PUM2: variants seen among roughly 807,000 people sequenced by gnomAD.
The protein encoded by PUM2 is pumilio RNA binding family member 2, also known as pumilio homolog 2.
A neutral mutation model predicts 124.5 loss-of-function variants in PUM2; 57 were observed. The ratio of observed to expected loss-of-function variants is 0.46; its 90% CI spans 0.37 to 0.57. The LOEUF (loss-of-function observed/expected upper bound fraction) is 0.57, where lower values mean the gene tolerates loss of function less well. Ranked by LOEUF, PUM2 falls within the 20% of genes least tolerant of loss-of-function variation. The probability of loss-of-function intolerance (pLI) is 0.00; values close to 1 mark genes in which losing one functional copy is unlikely to be tolerated. For missense variants in PUM2, 1,065 were observed against 1,290.6 expected (o/e 0.83, Z 2.68); for synonymous variants, 460 against 446.1 (o/e 1.03, Z -0.39).
intron 13 of PUM2, among the ~76,000 whole-genome samples, chr2:20,263,754 G>C (rs1666866866): frequency 6.6e-6 from 1 of 152,062 alleles, no homozygotes; most frequent in South Asian, 2.1e-4. Flanking sequence ...ATAAATGTCA[G>C]AACACTGAAA....
intron 2 of PUM2, among the ~76,000 whole-genome samples, chr2:20,322,743 C>CA: frequency 6.6e-6 from 1 of 152,142 alleles, no homozygotes; most frequent in Admixed American, 6.5e-5. Context: ...TCAGAGGTTG[C>CA]AGTAAGTTGA....
intron 13 of PUM2, among the ~76,000 whole-genome samples, chr2:20,275,962 G>C (rs1252293562): frequency 6.6e-6 from 1 of 152,034 alleles, no homozygotes. Context: ...AGGGAGATTA[G>C]AGTTAATAAT....
chr2:20,256,357 T>C (rs1157472183), intron 16 of PUM2, among the ~76,000 whole-genome samples, 187 bp from the exon 17 acceptor site: 1 of 152,194 alleles, frequency 6.6e-6, no homozygotes, highest in African/African-American at 2.4e-5. Flanking sequence ...GTTTAAATTT[T>C]TTTCTCTTGT....
chr2:20,287,202 C>T (rs1241351722), intron 10 of PUM2, among the ~76,000 whole-genome samples: 5 of 152,120 alleles, frequency 3.3e-5, no homozygotes, highest in Non-Finnish European at 4.4e-5. Flanking sequence ...AGACATTTCC[C>T]ATCTACGACC....
chr2:20,264,082 TA>T, intron 13 of PUM2, among the ~76,000 whole-genome samples: 1 of 151,744 alleles, frequency 6.6e-6, no homozygotes. Context: ...CTCATGCCTG[TA>T]ATCCCAGCAC....
intron 13 of PUM2, among the ~76,000 whole-genome samples, chr2:20,272,215 A>G (rs1385470167): frequency 6.6e-6 from 1 of 151,990 alleles, no homozygotes; most frequent in African/African-American, 2.4e-5. Context: ...ATAGAAAAGC[A>G]TCCTTTGAGA....
chr2:20,291,682 T>C (rs537898922), intron 9 of PUM2, among the ~76,000 whole-genome samples: 2 of 152,302 alleles, frequency 1.3e-5, no homozygotes, highest in East Asian at 1.9e-4. Context: ...TCATCCAAGA[T>C]AGAATCCTCC....
At chr2:20,325,781 C>T (rs1683541392) in intron 2 of PUM2, among the ~76,000 whole-genome samples, 3 of 152,086 alleles carry the variant, frequency 2.0e-5, no homozygotes, top group Admixed American at 2.0e-4. Flanking sequence ...GCCGCCACGC[C>T]CGGCTAATTT....
intron 7 of PUM2, 105 bp downstream of exon 7, chr2:20,307,873 A>C: frequency 7.1e-7 from 1 of 1,414,094 alleles, no homozygotes. Context: ...TTGATCTCAG[A>C]TGTTTCAAAA....
intron 12 of PUM2, 50 bp downstream of exon 12, chr2:20,282,897 A>G: frequency 6.4e-7 from 1 of 1,552,292 alleles, no homozygotes; most frequent in Non-Finnish European, 8.8e-7. Context: ...AAACACACTC[A>G]TATACCTCTT....
At position 20,348,591 on chromosome 2, in the gene PUM2, A is replaced by G. The variant is rs138762478; in HGVS notation, c.-19+2006T>C. 7.9e-3 allele frequency among the ~76,000 whole-genome samples: 1,201 copies of G among 152,332 alleles called. 11 individuals are homozygous for G. Among genetic ancestry groups the G allele is most frequent in the African/African-American group, 0.027 (1,121 of 41,580 alleles). ...GTCATAATTACTTTTGTTAACTAAGATAAGTACCTACTCCGGAAGGCAAAT... is the reference window on the plus strand; with the variant it reads ...GTCATAATTACTTTTGTTAACTAAGGTAAGTACCTACTCCGGAAGGCAAAT... On this transcript the variant is annotated intron_variant, in intron 1 of 20. Coordinates refer to ENST00000361078, the MANE Select transcript of PUM2 (RefSeq NM_015317.5).
intron 13 of PUM2, among the ~76,000 whole-genome samples, chr2:20,265,184 G>A (rs1385115071): frequency 2.6e-5 from 4 of 151,768 alleles, no homozygotes; most frequent in South Asian, 2.1e-4. Flanking sequence ...CCCGGGATAC[G>A]GAGGTTGCAG....
intron 15 of PUM2, among the ~76,000 whole-genome samples, chr2:20,259,578 C>G (rs959481369): frequency 1.3e-5 from 2 of 152,178 alleles, no homozygotes; most frequent in African/African-American, 4.8e-5. Flanking sequence ...TTAGTATTTT[C>G]AAGGTCCATC....
intron 7 of PUM2, among the ~76,000 whole-genome samples, chr2:20,300,070 T>C (rs1462239913): frequency 6.6e-6 from 1 of 152,230 alleles, no homozygotes; most frequent in African/African-American, 2.4e-5. Context: ...AAGGTCTGCG[T>C]TGATGTTAAT....
intron 1 of PUM2, among the ~76,000 whole-genome samples, chr2:20,349,769 TA>T (rs922963240): frequency 4.6e-5 from 7 of 152,206 alleles, no homozygotes; most frequent in African/African-American, 1.7e-4. Context: ...TCTCAACAAG[TA>T]AAAATCTCAA....
intron 12 of PUM2, among the ~76,000 whole-genome samples, chr2:20,280,376 G>GT (rs1382397917): frequency 2.0e-5 from 3 of 152,144 alleles, no homozygotes; most frequent in Non-Finnish European, 4.4e-5. Context: ...ATAAGCACAT[G>GT]TAATAAACAG....
intron 3 of PUM2, among the ~76,000 whole-genome samples, chr2:20,317,902 G>C (rs1481259156): frequency 6.6e-6 from 1 of 152,118 alleles, no homozygotes; most frequent in Non-Finnish European, 1.5e-5. Context: ...GTGTTCCATG[G>C]TGCATATGTA....
chr2:20,258,306 G>A lies in PUM2; in HGVS notation c.2421C>T (p.Ala807=), dbSNP rs1450050712. The change falls in exon 16 of 21, where the codon GCC becomes GCT. Residue 807 remains alanine (A), a synonymous_variant. Transcript: ENST00000361078. ...TRIRGHVLPL[A]LQMYGCRVIQ... is the part of the protein sequence containing the mutation. ...TAACGCGGCAGCCATACATCTGCAA[G>A]GCTAAGGGTAGAACATGACCACGAA... The A allele has an allele frequency of 1.9e-6, 3 of 1,612,332 alleles. No homozygotes were observed. The highest frequency in any genetic ancestry group is 1.1e-5 in the South Asian group (1 of 90,922).
chr2:20,282,073 G>C (rs560878178), intron 12 of PUM2, among the ~76,000 whole-genome samples: 1 of 152,280 alleles, frequency 6.6e-6, no homozygotes, highest in African/African-American at 2.4e-5. Flanking sequence ...ATCTCTTGAG[G>C]TCCAAATAGT....
Sources: gnomAD v4.1 joint callset for allele counts (sites outside exome capture counted in the v4.1 genomes callset) on GRCh38, gnomAD v4.1.1 for gene constraint, MANE v1.5 for transcripts, NCBI Gene and HGNC (gene_info 2026-07-23, HGNC 2026-07-21) for gene names.